The following ANKRD36B variants were observed in gnomAD, a reference collection of about 807,000 sequenced individuals.
ANKRD36B encodes ankyrin repeat domain 36B.
In ANKRD36B, 37 loss-of-function variants were observed where a neutral mutation model predicts 135.7. The observed-to-expected ratio is 0.27, with a 90% CI of 0.21 to 0.36. The LOEUF (loss-of-function observed/expected upper bound fraction) is 0.36. Ranked by LOEUF, ANKRD36B falls within the 10% of genes least tolerant of loss-of-function variation. The pLI, the probability that ANKRD36B is intolerant of heterozygous loss-of-function variation, is 1.00. For synonymous variants in ANKRD36B, 179 were observed against 348.1 expected, an observed-to-expected ratio of 0.51 and a Z score of 5.41; for missense variants, 549 against 1,037.1, an observed-to-expected ratio of 0.53 and a Z score of 6.46.
rs757112688 is a variant in ANKRD36B at position 97,551,570 on chromosome 2, C to T, written c.1274-90G>A. ...TGCAGTGTTTGTATCAACCTCTGTC[C>T]TCCTGCCTGTATTAGCGTAGGTTTT... On this transcript the variant is annotated intron_variant, in intron 16 of 43. Coordinates refer to ENST00000359901, the MANE Select transcript of ANKRD36B (RefSeq NM_001393939.1). The T allele has an allele frequency of 3.2e-5, 51 of 1,581,148 alleles. 1 individual carries two copies. Among genetic ancestry groups the T allele is most frequent in the Non-Finnish European group, 4.1e-5 (48 of 1,159,014 alleles).
rs2079625014 is a variant in ANKRD36B, at chr2:97,547,839, T to C, written c.1478-108A>G. The C allele has an allele frequency of 8.9e-6, 13 of 1,452,676 alleles. No individual in the cohort carries two copies. The East Asian group carries it at 2.5e-4, about 28-fold the overall frequency. 90.0% of individuals were successfully genotyped at this position (1,452,676 alleles called of 1,614,324 possible). ...CTCTGTCTTCCTGCCTGTATTAGCA[T>C]AGGCTTTGATGGCTTCTACTTTGTG... On this transcript the variant is annotated intron_variant, in intron 20 of 43. Coordinates refer to ENST00000359901, the MANE Select transcript of ANKRD36B (RefSeq NM_001393939.1).
chr2:97,589,818 ACGGACC>A lies in ANKRD36B; in HGVS notation c.-139_-134del, dbSNP rs1420151858. 1 of 1,344,762 alleles carries A rather than the reference ACGGACC, an allele frequency of 7.4e-7. No homozygotes were observed. The highest frequency in any genetic ancestry group is 1.5e-5 in the African/African-American group (1 of 68,556). The allele number at this position is 1,344,762 out of a possible 1,614,324, so 83.3% of individuals were successfully genotyped here. On this transcript the variant is annotated 5_prime_UTR_variant, in exon 1 of 44. It adds an upstream start codon to the 5' untranslated region. Transcript: ENST00000359901. The stretch of plus-strand genomic sequence containing the variant: ...CAACAACAGGCAAAGCAGTCTGTGC[ACGGACC>A]TCCGCGCAGACTCTCAGCGCCTCCC...
intron 6 of ANKRD36B, among the ~76,000 whole-genome samples, chr2:97,574,287 A>T (rs1018602043): frequency 1.6e-4 from 24 of 152,214 alleles, no homozygotes; most frequent in Non-Finnish European, 3.4e-4. Context: ...CACATGAAAA[A>T]ATGCTCATCA....
intron 10 of ANKRD36B, among the ~76,000 whole-genome samples, chr2:97,558,427 A>G (rs1024558244): frequency 1.3e-5 from 2 of 151,878 alleles, no homozygotes; most frequent in Admixed American, 1.3e-4. Context: ...GGCTATTACC[A>G]TAATTTCTCC....
At chr2:97,564,242 A>G (rs1428482229) in intron 6 of ANKRD36B, among the ~76,000 whole-genome samples, 1 of 152,076 alleles carries the variant, frequency 6.6e-6, no homozygotes, top group African/African-American at 2.4e-5. Flanking sequence ...TAAGACCATA[A>G]CAGCTCAGAA....
rs574123816 is a variant in ANKRD36B, at chr2:97,527,428, C to T, written c.2266-3961G>A. Among the ~76,000 whole-genome samples, 41 of 94,186 alleles carry T rather than the reference C, an allele frequency of 4.4e-4. 13 individuals carry two copies. The highest frequency in any genetic ancestry group is 1.1e-3 in the African/African-American group (34 of 31,366). 61.8% of individuals were successfully genotyped at this position (94,186 alleles called of 152,430 possible). A position where few individuals can be genotyped will look rare whatever the true frequency, so the allele number is the denominator to read the frequency against. On this transcript the variant is annotated intron_variant, in intron 35 of 43. Coordinates refer to ENST00000359901, the MANE Select transcript of ANKRD36B (RefSeq NM_001393939.1). Reference sequence around the variant, plus strand: ...AGCACTAAACATGGAAAGGAACAACCGGTACCAGCCACTGCAAAATCATGA... The same window carrying T: ...AGCACTAAACATGGAAAGGAACAACTGGTACCAGCCACTGCAAAATCATGA...
chr2:97,580,387 T>C (rs1347562667), intron 4 of ANKRD36B, 75 bp downstream of exon 4: 4 of 1,290,176 alleles, frequency 3.1e-6, no homozygotes, highest in Non-Finnish European at 4.2e-6. Flanking sequence ...GTAATATTTG[T>C]GACTTGAGTG....
intron 34 of ANKRD36B, among the ~76,000 whole-genome samples, chr2:97,535,483 TAAA>T (rs762698940): frequency 2.6e-5 from 2 of 75,692 alleles, no homozygotes; most frequent in African/African-American, 5.8e-5. Context: ...AACAAAAAAA[TAAA>T]ACACACACAC....
intron 30 of ANKRD36B, 184 bp downstream of exon 30, chr2:97,539,850 T>G: frequency 3.3e-6 from 1 of 306,086 alleles, no homozygotes; most frequent in African/African-American, 2.5e-5. Flanking sequence ...TAATCTTACT[T>G]CGAAGATCAC....
chr2:97,527,230 A>C (rs2078265270), intron 35 of ANKRD36B, among the ~76,000 whole-genome samples: 3 of 96,556 alleles, frequency 3.1e-5, no homozygotes, highest in African/African-American at 9.4e-5. Flanking sequence ...ACAAACCAGA[A>C]GAGAGTGGGG....
At chr2:97,516,210 A>C (rs1298678419) in intron 36 of ANKRD36B, among the ~76,000 whole-genome samples, 1 of 63,348 alleles carries the variant, frequency 1.6e-5, no homozygotes, top group African/African-American at 4.7e-5. Context: ...AAAAAAAAAA[A>C]AAAACATAGT....
intron 6 of ANKRD36B, among the ~76,000 whole-genome samples, chr2:97,561,889 G>A (rs2081057984): frequency 6.6e-6 from 1 of 151,918 alleles, no homozygotes; most frequent in African/African-American, 2.4e-5. Flanking sequence ...GGAGCAATGA[G>A]TCACTGTGGC....
At chr2:97,547,919 T>C (rs1185183691) in intron 20 of ANKRD36B, among the ~76,000 whole-genome samples, 188 bp from the exon 21 acceptor site, 3 of 151,738 alleles carry the variant, frequency 2.0e-5, no homozygotes, top group African/African-American at 7.3e-5. Context: ...ACAGGCTCCA[T>C]GAAAAATACT....
chr2:97,579,549 T>C (rs1387680761), intron 4 of ANKRD36B, among the ~76,000 whole-genome samples: 1 of 147,166 alleles, frequency 6.8e-6, no homozygotes, highest in Non-Finnish European at 1.5e-5. Flanking sequence ...TGGAGGATAA[T>C]AATATATCCT....
chr2:97,504,742 AG>A (rs1386495943), intron 43 of ANKRD36B: 1 of 18,374 alleles, frequency 5.4e-5, no homozygotes, highest in Non-Finnish European at 1.6e-4. Context: ...AAAAATAAAA[AG>A]TTAAAGAGGC....
At chr2:97,498,148 A>C (rs1258643181) in intron 43 of ANKRD36B, among the ~76,000 whole-genome samples, 1 of 77,540 alleles carries the variant, frequency 1.3e-5, no homozygotes, top group Non-Finnish European at 3.1e-5. Context: ...AAAAACAACA[A>C]CAAAAAAGAA....
At chr2:97,578,399 A>G (rs2082361229) in intron 5 of ANKRD36B, among the ~76,000 whole-genome samples, 1 of 152,064 alleles carries the variant, frequency 6.6e-6, no homozygotes, top group African/African-American at 2.4e-5. Context: ...AAAACAAAGC[A>G]ATGATTAGAA....
intron 35 of ANKRD36B, among the ~76,000 whole-genome samples, chr2:97,530,308 GATTCCCT>G (rs2104445636): frequency 1.1e-5 from 1 of 95,182 alleles, no homozygotes; most frequent in Admixed American, 9.3e-5. Context: ...ACGGGGAAAG[GATTCCCT>G]ATTTAATAAA....
At chr2:97,514,190 T>G (rs1175093901) in intron 37 of ANKRD36B, among the ~76,000 whole-genome samples, 2 of 129,854 alleles carry the variant, frequency 1.5e-5, no homozygotes, top group Non-Finnish European at 3.0e-5. Flanking sequence ...TTTATTATCC[T>G]AATAAAGTTT....
Sources: gnomAD v4.1 joint callset for allele counts (sites outside exome capture counted in the v4.1 genomes callset) on GRCh38, gnomAD v4.1.1 for gene constraint, MANE v1.5 for transcripts, NCBI Gene and HGNC (gene_info 2026-07-23, HGNC 2026-07-21) for gene names.